Variants in IDE observed in about 807,000 individuals in gnomAD.
IDE encodes the protein insulin-degrading enzyme.
A neutral mutation model predicts 133.2 loss-of-function variants in IDE; 58 were observed. That is an observed-to-expected ratio of 0.44 (90% CI 0.35 to 0.54). The LOEUF (loss-of-function observed/expected upper bound fraction) is 0.54. Among genes scored for constraint, IDE ranks in the 20% least tolerant of loss-of-function variants. The probability of loss-of-function intolerance (pLI) is 0.00; values close to 1 mark genes in which losing one functional copy is unlikely to be tolerated. For synonymous variants in IDE, 396 were observed against 421.3 expected (o/e 0.94, Z 0.73); for missense variants, 981 against 1,234.0 (o/e 0.79, Z 3.07).
intron 1 of IDE, among the ~76,000 whole-genome samples, chr10:92,549,231 T>A (rs530811625): frequency 2.0e-5 from 3 of 151,246 alleles, no homozygotes; most frequent in Non-Finnish European, 4.4e-5. Context: ...CACTCCAGCC[T>A]GGGCAACAGA....
At chr10:92,538,273 G>A (rs942537507) in intron 1 of IDE, among the ~76,000 whole-genome samples, 2 of 152,190 alleles carry the variant, frequency 1.3e-5, no homozygotes, top group African/African-American at 4.8e-5. Flanking sequence ...CCCAAACACT[G>A]CTCAAACTGA....
chr10:92,478,282 G>C (rs1442793446), intron 15 of IDE, among the ~76,000 whole-genome samples: 2 of 152,080 alleles, frequency 1.3e-5, no homozygotes, highest in African/African-American at 4.8e-5. Flanking sequence ...AGAAATAAAG[G>C]GTGCCTATTT....
chr10:92,512,843 C>A (rs1246608713), intron 5 of IDE, among the ~76,000 whole-genome samples: 2 of 152,116 alleles, frequency 1.3e-5, no homozygotes, highest in African/African-American at 4.8e-5. Context: ...ACCATAATTT[C>A]ATGATTATAA....
Position 92,463,821 on chromosome 10 carries a change from T to C in IDE, c.2671A>G (p.Ile891Val), listed in dbSNP as rs753087364. The C allele has an allele frequency of 8.7e-6, 14 of 1,614,054 alleles. No individual in the cohort carries two copies. Among genetic ancestry groups the C allele is most frequent in the Admixed American group, 3.3e-5 (2 of 60,006 alleles). Residue 891 changes from isoleucine (I) to valine (V), a missense_variant, in exon 21 of 25, where the codon ATT (isoleucine) becomes GTT (valine). Ile to Val is a conservative substitution (Grantham distance 29, BLOSUM62 3). Coordinates refer to ENST00000265986, the MANE Select transcript of IDE (RefSeq NM_004969.4). ...TTCTTTGGTTTGTCTAGTCGACGAA[T>C]TGCTAATGCCTGAATGTGTTTTTGG... ...AFQKHIQALA[I>V]RRLDKPKKLS...
At chr10:92,570,161 G>A (rs912569885) in intron 1 of IDE, among the ~76,000 whole-genome samples, 1 of 151,968 alleles carries the variant, frequency 6.6e-6, no homozygotes, top group Admixed American at 6.6e-5. Context: ...ACAGTTCTTT[G>A]AGAAGAATAA....
At chr10:92,556,340 T>C (rs1271627566) in intron 1 of IDE, among the ~76,000 whole-genome samples, 12 of 151,752 alleles carry the variant, frequency 7.9e-5, no homozygotes, top group Admixed American at 5.2e-4. Context: ...AATAAAATAC[T>C]GGGTGGGCAC....
intron 5 of IDE, among the ~76,000 whole-genome samples, chr10:92,510,965 G>A (rs1374056340): frequency 1.3e-5 from 2 of 150,646 alleles, no homozygotes; most frequent in African/African-American, 4.9e-5. Context: ...TTGAGAAGAG[G>A]GCACAGCAGT....
At chr10:92,515,149 CTA>C in intron 4 of IDE, 107 bp from the exon 5 acceptor site, 1 of 850,534 alleles carries the variant, frequency 1.2e-6, no homozygotes, top group Non-Finnish European at 1.8e-6. Context: ...AAATAAAGTT[CTA>C]ATACACAGAA....
intron 1 of IDE, among the ~76,000 whole-genome samples, chr10:92,540,589 A>G (rs1453009179): frequency 1.3e-5 from 2 of 152,162 alleles, no homozygotes; most frequent in African/African-American, 4.8e-5. Context: ...AGTTATACTC[A>G]ATTTCCTCTG....
chr10:92,527,487 A>G (rs952414512), intron 4 of IDE, among the ~76,000 whole-genome samples: 4 of 152,168 alleles, frequency 2.6e-5, no homozygotes, highest in Admixed American at 2.6e-4. Context: ...AACTTACAGG[A>G]CTTTCAACTG....
intron 1 of IDE, among the ~76,000 whole-genome samples, chr10:92,550,253 G>A (rs1241695598): frequency 1.3e-5 from 2 of 151,914 alleles, no homozygotes; most frequent in East Asian, 3.9e-4. Flanking sequence ...TGTGGAGTGG[G>A]AAAAAATATC....
chr10:92,514,300 G>A (rs896701096), intron 5 of IDE, among the ~76,000 whole-genome samples: 1 of 151,868 alleles, frequency 6.6e-6, no homozygotes, highest in Non-Finnish European at 1.5e-5. Flanking sequence ...AGGAAACAAT[G>A]TTAGTAGTTA....
chr10:92,481,620 T>G (rs994931822), intron 14 of IDE, among the ~76,000 whole-genome samples: 2 of 152,222 alleles, frequency 1.3e-5, no homozygotes, highest in African/African-American at 4.8e-5. Flanking sequence ...CACAGGGTTT[T>G]AAAAACCATA....
At chr10:92,545,008 G>C (rs1035021301) in intron 1 of IDE, among the ~76,000 whole-genome samples, 1 of 152,102 alleles carries the variant, frequency 6.6e-6, no homozygotes, top group African/African-American at 2.4e-5. Flanking sequence ...AATCATCTTG[G>C]TAGCTGCAGA....
At chr10:92,555,121 C>G (rs1028811626) in intron 1 of IDE, among the ~76,000 whole-genome samples, 1 of 152,144 alleles carries the variant, frequency 6.6e-6, no homozygotes, top group Non-Finnish European at 1.5e-5. Flanking sequence ...TAATCAGGAA[C>G]AAGCATGACA....
chr10:92,549,437 A>G (rs768463733), intron 1 of IDE, among the ~76,000 whole-genome samples: 6 of 152,180 alleles, frequency 3.9e-5, no homozygotes, highest in Non-Finnish European at 7.3e-5. Flanking sequence ...TTAAACTCCC[A>G]TCTATGTATC....
chr10:92,512,474 C>A (rs916538677), intron 5 of IDE, among the ~76,000 whole-genome samples: 1 of 151,588 alleles, frequency 6.6e-6, no homozygotes, highest in South Asian at 2.1e-4. Flanking sequence ...GGACAGGGAT[C>A]AGGTTTGATT....
chr10:92,536,534 A>G (rs1842015360), intron 2 of IDE, among the ~76,000 whole-genome samples: 1 of 150,664 alleles, frequency 6.6e-6, no homozygotes, highest in African/African-American at 2.4e-5. Flanking sequence ...CCCCATCTCT[A>G]CTAAAAATAC....
intron 15 of IDE, chr10:92,478,608 G>A (rs1228515121): frequency 1.0e-5 from 11 of 1,100,434 alleles, no homozygotes; most frequent in African/African-American, 3.3e-5. Flanking sequence ...ATGCTTAAAC[G>A]GGGTGGTGCC....
Sources: gnomAD v4.1 joint callset for allele counts (sites outside exome capture counted in the v4.1 genomes callset) on GRCh38, gnomAD v4.1.1 for gene constraint, MANE v1.5 for transcripts, NCBI Gene and HGNC (gene_info 2026-07-23, HGNC 2026-07-21) for gene names.